AP3B2: variants seen among roughly 807,000 people sequenced by gnomAD.
The protein encoded by AP3B2 is adaptor related protein complex 3 subunit beta 2.
AP3B2 carries 50 observed loss-of-function variants against 126.9 expected under a neutral mutation model. That is an observed-to-expected ratio of 0.39 (90% CI 0.31 to 0.50). AP3B2 has a LOEUF of 0.50. Among genes scored for constraint, AP3B2 ranks in the 20% least tolerant of loss-of-function variants. AP3B2 has a pLI of 0.79. For missense variants in AP3B2, 1,177 were observed against 1,426.4 expected (o/e 0.83, Z 2.82); for synonymous variants, 541 against 565.0 (o/e 0.96, Z 0.60).
At position 82,677,664 on chromosome 15, in the gene AP3B2, C is replaced by T. The variant is rs1337622775; in HGVS notation, c.1378+7G>A. The stretch of plus-strand genomic sequence containing the variant: ...CATCACGGTTAGACACTCAGGGAAA[C>T]ACTGACCATCACGGTTGGACAGCAG... On this transcript the variant is annotated splice_region_variant and intron_variant, in intron 12 of 26. Coordinates refer to ENST00000535359, the MANE Select transcript of AP3B2 (RefSeq NM_001278512.2). The T allele has an allele frequency of 5.2e-6, 8 of 1,531,848 alleles. No homozygotes were observed. Among genetic ancestry groups the T allele is most frequent in the Non-Finnish European group, 7.0e-6 (8 of 1,138,630 alleles). The allele number at this position is 1,531,848 out of a possible 1,614,324, so 94.9% of individuals were successfully genotyped here. A position where few individuals can be genotyped will look rare whatever the true frequency, so the allele number is the denominator to read the frequency against.
In AP3B2 at chr15:82,692,372, C is replaced by G. The variant is rs577035084; in HGVS notation, c.114-2919G>C. On this transcript the variant is annotated intron_variant, in intron 1 of 26. Coordinates refer to ENST00000535359, the MANE Select transcript of AP3B2 (RefSeq NM_001278512.2). ...CCAGCCCAACATCGGCACCTCCCAACGCCCCCTCCCCGCAATCCCCCCGCA... is the reference window on the plus strand; with the variant it reads ...CCAGCCCAACATCGGCACCTCCCAAGGCCCCCTCCCCGCAATCCCCCCGCA... 440 of 513,646 alleles carry G rather than the reference C, an allele frequency of 8.6e-4. 7 individuals carry two copies. In the Admixed American group the frequency reaches 0.014, roughly 16 times the overall value. 31.8% of individuals were successfully genotyped at this position (513,646 alleles called of 1,614,324 possible). A position where few individuals can be genotyped will look rare whatever the true frequency, so the allele number is the denominator to read the frequency against.
chr15:82,673,509 C>T (rs1354357424), intron 14 of AP3B2, among the ~76,000 whole-genome samples: 1 of 152,120 alleles, frequency 6.6e-6, no homozygotes, highest in African/African-American at 2.4e-5. Context: ...CCACTGAACC[C>T]AGCCTGGAGA....
intron 13 of AP3B2, 147 bp downstream of exon 13, chr15:82,677,127 T>G: frequency 1.4e-6 from 1 of 698,636 alleles, no homozygotes; most frequent in Non-Finnish European, 2.5e-6. Flanking sequence ...AAGGTCAGGG[T>G]CACATGGTCC....
At position 82,703,749 on chromosome 15, in the gene AP3B2, C is replaced by T. The variant is rs368936348; in HGVS notation, c.113+5845G>A. The stretch of plus-strand genomic sequence containing the variant: ...CCCTCCCTAGTCTCTGTTCCCAATG[C>T]GACTCATCCCAAATCCTCCTTCTTT... On this transcript the variant is annotated intron_variant, in intron 1 of 26. Coordinates refer to ENST00000535359, the MANE Select transcript of AP3B2 (RefSeq NM_001278512.2). Among the ~76,000 whole-genome samples, 206 of 152,188 alleles carry T rather than the reference C, an allele frequency of 1.4e-3. 1 individual carries two copies. Among genetic ancestry groups the T allele is most frequent in the African/African-American group, 4.7e-3 (197 of 41,508 alleles).
At position 82,680,312 on chromosome 15, in the gene AP3B2, C is replaced by T. The variant is rs2048314019; in HGVS notation, c.1056-83G>A. 1 of 1,592,334 alleles carries T rather than the reference C, an allele frequency of 6.3e-7. No homozygotes were observed. The highest frequency in any genetic ancestry group is 8.6e-7 in the Non-Finnish European group (1 of 1,167,986). On this transcript the variant is annotated intron_variant, in intron 8 of 26. Transcript: ENST00000535359. The surrounding 1 kb of genome is among the most constrained non-coding windows in gnomAD (Gnocchi z 6.1). ...GATGAGGGGAAAAGGTGGGGCAAGT[C>T]GTTGCGGGGAGAGGACCAGTGCGGA...
Position 82,681,054 on chromosome 15 carries a change from A to G in AP3B2, c.589-35T>C. 1.2e-6 allele frequency: 2 copies of G among 1,613,524 alleles called. No individual in the cohort carries two copies. Among genetic ancestry groups the G allele is most frequent in the East Asian group, 2.2e-5 (1 of 44,856 alleles). ...GAACAAAGACGAGAGGGTGAACGCG[A>G]AGGGTGGAAGGCCGGCTGCCGGTCA... On this transcript the variant is annotated intron_variant, in intron 6 of 26. Coordinates refer to ENST00000535359, the MANE Select transcript of AP3B2 (RefSeq NM_001278512.2). The surrounding 1 kb of genome is among the most constrained non-coding windows in gnomAD (Gnocchi z 4.0).
At chr15:82,705,907 C>T (rs560527896) in intron 1 of AP3B2, among the ~76,000 whole-genome samples, 1 of 152,300 alleles carries the variant, frequency 6.6e-6, no homozygotes, top group South Asian at 2.1e-4. Flanking sequence ...CCTTTTGCCA[C>T]TCCTTTCCAT....
intron 1 of AP3B2, 40 bp downstream of exon 1, chr15:82,709,554 G>C: frequency 6.9e-7 from 1 of 1,443,842 alleles, no homozygotes; most frequent in Non-Finnish European, 9.2e-7. Flanking sequence ...CCGGTCCCCG[G>C]CCCCAACCCT....
Position 82,688,384 on chromosome 15 carries a change from A to G in AP3B2, c.360+352T>C, listed in dbSNP as rs1004023445. 7 of 701,416 alleles carry G rather than the reference A, an allele frequency of 1.0e-5. No homozygotes were observed. The Admixed American group carries it at 1.0e-4, about 10-fold the overall frequency. 43.4% of individuals were successfully genotyped at this position (701,416 alleles called of 1,614,324 possible). ...GAAATCTACCTGGCTGTGGACCACA[A>G]TTCACACCTTTACACAAAGGGGGGT... On this transcript the variant is annotated intron_variant, in intron 4 of 26. Transcript: ENST00000535359.
chr15:82,676,665 G>A, intron 13 of AP3B2, 28 bp from the exon 14 acceptor site: 1 of 1,609,384 alleles, frequency 6.2e-7, no homozygotes, highest in Admixed American at 1.7e-5. Context: ...GAGTGAAGAT[G>A]GGTAAATACG....
intron 1 of AP3B2, among the ~76,000 whole-genome samples, chr15:82,698,816 A>G (rs1596196547): frequency 6.6e-6 from 1 of 151,930 alleles, no homozygotes; most frequent in Non-Finnish European, 1.5e-5. Context: ...CATCCTCCCC[A>G]CCCAGCCTAG....
chr15:82,707,049 AC>A (rs1382892858), intron 1 of AP3B2, among the ~76,000 whole-genome samples: 3 of 152,170 alleles, frequency 2.0e-5, no homozygotes, highest in Admixed American at 6.5e-5. Context: ...TGAGAAGGCC[AC>A]TGCGGTCATT....
In AP3B2 at chr15:82,664,442, C is replaced by A. The variant is rs1188621630; in HGVS notation, c.2186G>T (p.Gly729Val). The change falls in exon 19 of 27, where the codon GGC becomes GTC. Residue 729 changes from glycine to valine, a missense_variant. Physicochemically the swap from Gly to Val is moderately radical, Grantham distance 109. Transcript: ENST00000535359. The surrounding 1 kb of genome is among the most constrained non-coding windows in gnomAD (Gnocchi z 4.5). The stretch of plus-strand genomic sequence containing the variant: ...GGACTCACTGCTGGACTCCCCAGAG[C>A]CGCTCTCACTGCTGCTCTTACTGTC... ...ESDSKSSSES[G>V]SGESSSESDN... 1 of 1,613,932 alleles carries A rather than the reference C, an allele frequency of 6.2e-7. No individual in the cohort carries two copies.
rs2047895394 is a variant in AP3B2, at chr15:82,659,400, T to C, written c.*160A>G. On this transcript the variant is annotated 3_prime_UTR_variant, in exon 27 of 27. Transcript: ENST00000535359. ...CACTAAGGAATCCATGGGGAGGGCA[T>C]TAGGGGAGGGCTTGGTCCTCCAGAG... 2.4e-6 allele frequency: 2 copies of C among 835,222 alleles called. No individual in the cohort carries two copies. The highest frequency in any genetic ancestry group is 3.4e-5 in the African/African-American group (2 of 58,828). 51.7% of individuals were successfully genotyped at this position (835,222 alleles called of 1,614,324 possible).
intron 1 of AP3B2, among the ~76,000 whole-genome samples, chr15:82,694,074 G>T (rs570654119): frequency 6.6e-6 from 1 of 151,786 alleles, no homozygotes; most frequent in African/African-American, 2.4e-5. Flanking sequence ...CGCAATCTCG[G>T]CTCACTGCAG....
Position 82,665,427 on chromosome 15 carries a change from ACACACAC to A in AP3B2, c.1971+23_1971+29del, listed in dbSNP as rs1203075699. On this transcript the variant is annotated intron_variant, in intron 16 of 26. Coordinates refer to ENST00000535359, the MANE Select transcript of AP3B2 (RefSeq NM_001278512.2). The surrounding 1 kb of genome is among the most constrained non-coding windows in gnomAD (Gnocchi z 4.4). Reference sequence around the variant, plus strand: ...CACACACACACACACACACACACACACACACACTTCAACCCTCCACCCCGCTGACCTC... The same window carrying A: ...CACACACACACACACACACACACACATTCAACCCTCCACCCCGCTGACCTC... 4.1e-6 allele frequency: 5 copies of A among 1,232,372 alleles called. No individual in the cohort carries two copies. Among genetic ancestry groups the A allele is most frequent in the Non-Finnish European group, 4.5e-6 (4 of 888,300 alleles). 76.3% of individuals were successfully genotyped at this position (1,232,372 alleles called of 1,614,324 possible). A position where few individuals can be genotyped will look rare whatever the true frequency, so the allele number is the denominator to read the frequency against.
intron 14 of AP3B2, among the ~76,000 whole-genome samples, chr15:82,668,811 C>T (rs1297562520): frequency 1.3e-5 from 2 of 152,040 alleles, no homozygotes; most frequent in East Asian, 3.9e-4. Flanking sequence ...CTCCAGTGTG[C>T]CAAGAACAGA....
At chr15:82,682,447 T>C (rs2151442614) in intron 4 of AP3B2, among the ~76,000 whole-genome samples, 1 of 152,236 alleles carries the variant, frequency 6.6e-6, no homozygotes. Flanking sequence ...AGGACTGTCT[T>C]CCCACTATCA....
chr15:82,690,642 C>CTTTTTTTTTT (rs147811093), intron 1 of AP3B2, among the ~76,000 whole-genome samples: 12 of 68,908 alleles, frequency 1.7e-4, no homozygotes, highest in African/African-American at 3.3e-4. Flanking sequence ...TTTTCTTCTT[C>CTTTTTTTTTT]TTTTTTTTTT....
Sources: gnomAD v4.1 joint callset for allele counts (sites outside exome capture counted in the v4.1 genomes callset) on GRCh38, gnomAD v4.1.1 for gene constraint, Gnocchi (gnomAD v3.1) non-coding constraint, MANE v1.5 for transcripts, NCBI Gene and HGNC (gene_info 2026-07-23, HGNC 2026-07-21) for gene names.